Variants in POLR1A observed in about 807,000 individuals in gnomAD.
POLR1A encodes RNA polymerase I subunit A.
Under a neutral mutation model 205.3 loss-of-function variants are expected in POLR1A, and 84 were observed. The observed-to-expected ratio is 0.41, with a 90% CI of 0.34 to 0.49. The LOEUF (loss-of-function observed/expected upper bound fraction) is 0.49. Ranked by LOEUF, POLR1A falls within the 20% of genes least tolerant of loss-of-function variation. The pLI is 0.22. For synonymous variants in POLR1A, 799 were observed against 863.7 expected (o/e 0.93, Z 1.31); for missense variants, 1,645 against 2,204.5 (o/e 0.75, Z 5.08).
At chr2:86,054,421 G>C in intron 14 of POLR1A, 132 bp from the exon 15 acceptor site, 1 of 811,888 alleles carries the variant, frequency 1.2e-6, no homozygotes, top group Admixed American at 2.5e-5. Flanking sequence ...CATTTCTGAT[G>C]ATCTCAGGTA....
rs879648269 is a variant in POLR1A at position 86,105,856 on chromosome 2, C to G, written c.-80G>C. ...GACTATTCTTAATTCAACCTCAAGC[C>G]CGGAGTCACCACGCGATTCAACGTG... On this transcript the variant is annotated 5_prime_UTR_variant, in exon 1 of 34. Transcript: ENST00000263857. 7.8e-7 allele frequency: 1 copy of G among 1,287,112 alleles called. No homozygotes were observed. The highest frequency in any genetic ancestry group is 1.5e-5 in the African/African-American group (1 of 68,370). 79.7% of individuals were successfully genotyped at this position (1,287,112 alleles called of 1,614,324 possible). A position where few individuals can be genotyped will look rare whatever the true frequency, so the allele number is the denominator to read the frequency against.
chr2:86,089,849 G>A lies in POLR1A; in HGVS notation c.513C>T (p.Asn171=), dbSNP rs751162089. The change falls in exon 4 of 34, where the codon AAC becomes AAT. Residue 171 remains asparagine (N), a synonymous_variant. Coordinates refer to ENST00000263857, the MANE Select transcript of POLR1A (RefSeq NM_015425.6). ...GTGCGCCCTGGGACCCCAGGAGGTT[G>A]TTCTGCACAATTTCAGTTGTGTATT... ...LEQYTTEIVQ[N]NLLGSQGAHV... 1.2e-6 allele frequency: 2 copies of A among 1,611,336 alleles called. No homozygotes were observed. The highest frequency in any genetic ancestry group is 3.3e-5 in the Admixed American group (2 of 60,028).
chr2:86,064,709 G>T (rs1296715607), intron 14 of POLR1A, among the ~76,000 whole-genome samples: 1 of 151,538 alleles, frequency 6.6e-6, no homozygotes, highest in Non-Finnish European at 1.5e-5. Flanking sequence ...GTATTATGAG[G>T]ACACCAAATT....
rs1573798049 is a variant in POLR1A at position 86,027,291 on chromosome 2, G to A, written c.*132C>T. The A allele has an allele frequency of 1.6e-5, 12 of 736,366 alleles. No individual in the cohort carries two copies. The highest frequency in any genetic ancestry group is 6.0e-5 in the Admixed American group (3 of 49,762). The allele number at this position is 736,366 out of a possible 1,614,324, so 45.6% of individuals were successfully genotyped here. A position where few individuals can be genotyped will look rare whatever the true frequency, so the allele number is the denominator to read the frequency against. On this transcript the variant is annotated 3_prime_UTR_variant, in exon 34 of 34. Coordinates refer to ENST00000263857, the MANE Select transcript of POLR1A (RefSeq NM_015425.6). ...GCCCACTGCTTTCAGGCCCAAGGTC[G>A]CTGCTGTGCTCTGTACTGTCACTTG...
intron 12 of POLR1A, among the ~76,000 whole-genome samples, chr2:86,071,228 ATGTGTGTGTGTG>A (rs3077169): frequency 6.9e-5 from 3 of 43,564 alleles, no homozygotes; most frequent in African/African-American, 1.6e-4. Flanking sequence ...CTCCGTGTGC[ATGTGTGTGTGTG>A]TGTGTGTGTG....
At chr2:86,038,080 C>T (rs1157751317) in intron 27 of POLR1A, among the ~76,000 whole-genome samples, 1 of 152,218 alleles carries the variant, frequency 6.6e-6, no homozygotes, top group Non-Finnish European at 1.5e-5. Flanking sequence ...AGCCCATCCT[C>T]CTGCTCCCCG....
Position 86,088,560 on chromosome 2 carries a change from G to C in POLR1A, c.730+6C>G, listed in dbSNP as rs781624951. 1 of 1,598,550 alleles carries C rather than the reference G, an allele frequency of 6.3e-7. No individual in the cohort carries two copies. The highest frequency in any genetic ancestry group is 1.1e-5 in the South Asian group (1 of 90,732). ...TGGAGCTCCTCTCCAGACCCAGCCT[G>C]CTCACCCAGGGGCTCAGAGTCCTTC... On this transcript the variant is annotated splice_donor_region_variant and intron_variant, in intron 6 of 33. Transcript: ENST00000263857.
At chr2:86,056,565 A>T (rs984778904) in intron 14 of POLR1A, among the ~76,000 whole-genome samples, 4 of 152,166 alleles carry the variant, frequency 2.6e-5, no homozygotes, top group Non-Finnish European at 5.9e-5. Flanking sequence ...AGAGCCTTCT[A>T]TTGGAAGAAG....
chr2:86,085,363 A>C (rs1673486390), intron 6 of POLR1A, among the ~76,000 whole-genome samples: 1 of 152,274 alleles, frequency 6.6e-6, no homozygotes, highest in South Asian at 2.1e-4. Context: ...TGCATGTTTA[A>C]AGTTTTGATG....
intron 1 of POLR1A, among the ~76,000 whole-genome samples, chr2:86,104,919 T>G (rs1302055857): frequency 6.6e-6 from 1 of 152,220 alleles, no homozygotes; most frequent in East Asian, 1.9e-4. Context: ...ATGAAAGTGG[T>G]GAGATTGTCT....
chr2:86,094,459 T>G (rs543375866), intron 3 of POLR1A, among the ~76,000 whole-genome samples: 1 of 152,332 alleles, frequency 6.6e-6, no homozygotes, highest in South Asian at 2.1e-4. Context: ...CTTTCTGGCA[T>G]GTGACATTCC....
At chr2:86,035,189 CT>C in intron 27 of POLR1A, among the ~76,000 whole-genome samples, 1 of 152,268 alleles carries the variant, frequency 6.6e-6, no homozygotes, top group African/African-American at 2.4e-5. Flanking sequence ...TATTTTTTAA[CT>C]TTTTAAAGGT....
intron 13 of POLR1A, 186 bp from the exon 14 acceptor site, chr2:86,065,651 G>GA: frequency 1.7e-6 from 1 of 594,550 alleles, no homozygotes; most frequent in South Asian, 2.1e-5. Flanking sequence ...CATGACCAGG[G>GA]TTTAGCACTG....
In POLR1A at chr2:86,075,300, T is replaced by TA. The variant is rs773088770; in HGVS notation, c.1381-41dup. The TA allele has an allele frequency of 9.2e-6, 13 of 1,417,058 alleles. No homozygotes were observed. In the East Asian group the frequency reaches 1.2e-4, roughly 13 times the overall value. 87.8% of individuals were successfully genotyped at this position (1,417,058 alleles called of 1,614,324 possible). On this transcript the variant is annotated intron_variant, in intron 11 of 33. Coordinates refer to ENST00000263857, the MANE Select transcript of POLR1A (RefSeq NM_015425.6). The stretch of plus-strand genomic sequence containing the variant: ...TGGAGGTAGAAATTCAGGGCAGGGA[T>TA]AAAAAAAGGTCTGATGGACCCCAAA...
chr2:86,033,894 C>G, intron 27 of POLR1A, 107 bp from the exon 28 acceptor site: 1 of 1,371,120 alleles, frequency 7.3e-7, no homozygotes, highest in South Asian at 1.3e-5. Context: ...GATCAGTGCA[C>G]GAGATGGAGG....
intron 12 of POLR1A, among the ~76,000 whole-genome samples, chr2:86,074,688 T>A (rs1673246888): frequency 6.6e-6 from 1 of 152,214 alleles, no homozygotes; most frequent in Admixed American, 6.5e-5. Flanking sequence ...AACATCAGCA[T>A]GCAGAAGAAC....
At chr2:86,105,609 G>T (rs116587298) in intron 1 of POLR1A, 91 bp downstream of exon 1, 5 of 825,388 alleles carry the variant, frequency 6.1e-6, no homozygotes, top group Non-Finnish European at 1.0e-5. Context: ...GACTCAAGAG[G>T]ATAGACTGGG....
chr2:86,071,583 G>A (rs536067780), intron 12 of POLR1A, among the ~76,000 whole-genome samples: 1 of 152,248 alleles, frequency 6.6e-6, no homozygotes, highest in South Asian at 2.1e-4. Context: ...TTGCTAGAGG[G>A]AAAACAGAAA....
At chr2:86,094,004 T>G (rs1164786898) in intron 3 of POLR1A, among the ~76,000 whole-genome samples, 3 of 152,230 alleles carry the variant, frequency 2.0e-5, no homozygotes, top group African/African-American at 7.2e-5. Context: ...GTCTGATGTT[T>G]CCTCATGATC....
Sources: gnomAD v4.1 joint callset for allele counts (sites outside exome capture counted in the v4.1 genomes callset) on GRCh38, gnomAD v4.1.1 for gene constraint, MANE v1.5 for transcripts, NCBI Gene and HGNC (gene_info 2026-07-23, HGNC 2026-07-21) for gene names.